GPR158: variants seen among roughly 807,000 people sequenced by gnomAD.
GPR158 encodes the protein G protein-coupled receptor 158.
GPR158 carries 30 observed loss-of-function variants against 78.2 expected under a neutral mutation model. The observed-to-expected ratio is 0.38, with a 90% CI of 0.29 to 0.52. GPR158 has a LOEUF of 0.52. Among genes scored for constraint, GPR158 ranks in the 20% least tolerant of loss-of-function variants. The pLI is 0.83. For synonymous variants in GPR158, 581 were observed against 591.1 expected (o/e 0.98, Z 0.25); for missense variants, 1,463 against 1,523.5 (o/e 0.96, Z 0.66).
At chr10:25,420,734 T>C (rs1436930255) in intron 4 of GPR158, among the ~76,000 whole-genome samples, 1 of 152,208 alleles carries the variant, frequency 6.6e-6, no homozygotes, top group East Asian at 1.9e-4. Context: ...CCTTTCCCTG[T>C]AGAGTTGTCC....
chr10:25,338,756 C>T (rs1020893674), intron 2 of GPR158, among the ~76,000 whole-genome samples: 8 of 150,630 alleles, frequency 5.3e-5, no homozygotes, highest in Admixed American at 2.7e-4. Flanking sequence ...TTGAACTTTG[C>T]ATTTCTATAT....
intron 2 of GPR158, among the ~76,000 whole-genome samples, chr10:25,362,065 C>G (rs959115938): frequency 1.3e-5 from 2 of 151,858 alleles, no homozygotes; most frequent in Admixed American, 6.6e-5. Flanking sequence ...TGAGAATATC[C>G]TGAAATATTT....
intron 7 of GPR158, among the ~76,000 whole-genome samples, chr10:25,582,993 T>C (rs1039665535): frequency 3.0e-4 from 45 of 152,198 alleles, no homozygotes; most frequent in African/African-American, 1.1e-3. Context: ...TAAGAAAATC[T>C]CAGCCAAGAA....
intron 2 of GPR158, among the ~76,000 whole-genome samples, chr10:25,258,229 G>A (rs1179559195): frequency 6.6e-6 from 1 of 152,104 alleles, no homozygotes; most frequent in African/African-American, 2.4e-5. Context: ...ACTACATAAA[G>A]CATGCATGCA....
intron 2 of GPR158, among the ~76,000 whole-genome samples, chr10:25,332,114 TG>T (rs202157807): frequency 6.0e-5 from 9 of 150,444 alleles, no homozygotes; most frequent in South Asian, 4.2e-4. Context: ...AGAAATCACC[TG>T]GGGGGGGGCG....
Position 25,175,896 on chromosome 10 carries a change from C to G in GPR158, c.476C>G (p.Ala159Gly). The change falls in exon 1 of 11, where the codon GCG (alanine) becomes GGG (glycine). Residue 159 changes from alanine (A) to glycine (G), a missense_variant. Physicochemically the swap from Ala to Gly is moderately conservative, Grantham distance 60 (BLOSUM62 0). Coordinates refer to ENST00000376351, the MANE Select transcript of GPR158 (RefSeq NM_020752.3). This position sits in a 1 kb window ranked among gnomAD's most constrained non-coding sequence, Gnocchi z 6.4. ...CAGGACGACCTGGATTGGTACCAGG[C>G]GCTGGTGTGGAGCCTTCTGGAGGGC... The part of the protein sequence containing the change: ...NLQDDLDWYQ[A>G]LVWSLLEGEP... 2 of 1,613,860 alleles carry G rather than the reference C, an allele frequency of 1.2e-6. No homozygotes were observed. The highest frequency in any genetic ancestry group is 1.7e-6 in the Non-Finnish European group (2 of 1,179,996).
At chr10:25,314,243 T>C (rs921986561) in intron 2 of GPR158, among the ~76,000 whole-genome samples, 2 of 151,958 alleles carry the variant, frequency 1.3e-5, no homozygotes, top group African/African-American at 2.4e-5. Flanking sequence ...TGGGACTACA[T>C]GCGTGCACCA....
chr10:25,464,095 T>A (rs972095571), intron 4 of GPR158, among the ~76,000 whole-genome samples: 1 of 152,212 alleles, frequency 6.6e-6, no homozygotes, highest in Non-Finnish European at 1.5e-5. Context: ...CAATTTATAA[T>A]CTGAAATTAT....
At chr10:25,539,372 T>C (rs1836543769) in intron 5 of GPR158, among the ~76,000 whole-genome samples, 1 of 152,188 alleles carries the variant, frequency 6.6e-6, no homozygotes, top group Non-Finnish European at 1.5e-5. Flanking sequence ...TTAGATCTTA[T>C]TCTGGTTCAG....
chr10:25,564,252 G>A (rs1472517018), intron 6 of GPR158, among the ~76,000 whole-genome samples: 1 of 152,174 alleles, frequency 6.6e-6, no homozygotes, highest in African/African-American at 2.4e-5. Context: ...TCCTGCATGT[G>A]CAGAGCCTGA....
intron 7 of GPR158, among the ~76,000 whole-genome samples, chr10:25,587,182 G>A (rs547025754): frequency 3.7e-4 from 57 of 152,294 alleles, no homozygotes; most frequent in Middle Eastern, 3.4e-3. Flanking sequence ...CAGTGATCTG[G>A]TAAGTTTCAG....
chr10:25,590,719 C>A (rs753689425), intron 8 of GPR158, among the ~76,000 whole-genome samples: 15 of 152,116 alleles, frequency 9.9e-5, no homozygotes, highest in Non-Finnish European at 2.1e-4. Context: ...AGTAAGAAGG[C>A]TTCTCAGAGT....
chr10:25,410,901 A>T (rs554260984), intron 3 of GPR158, among the ~76,000 whole-genome samples: 63 of 152,312 alleles, frequency 4.1e-4, no homozygotes, highest in African/African-American at 1.4e-3. Flanking sequence ...CATTATAGAA[A>T]GATTGTGAAT....
chr10:25,288,230 T>G (rs975048270), intron 2 of GPR158, among the ~76,000 whole-genome samples: 2 of 152,166 alleles, frequency 1.3e-5, no homozygotes, highest in Non-Finnish European at 2.9e-5. Flanking sequence ...AATAGTAGAT[T>G]TGGGGGTTTG....
At chr10:25,481,897 T>C (rs571307975) in intron 5 of GPR158, among the ~76,000 whole-genome samples, 1 of 152,312 alleles carries the variant, frequency 6.6e-6, no homozygotes, top group South Asian at 2.1e-4. Flanking sequence ...GTTTTTAGGG[T>C]GTCTGTTTTA....
intron 5 of GPR158, among the ~76,000 whole-genome samples, chr10:25,547,751 C>A (rs1032983620): frequency 2.6e-5 from 4 of 152,168 alleles, no homozygotes; most frequent in African/African-American, 9.7e-5. Context: ...ACAGTTCTAG[C>A]TGTGTAGCCC....
intron 5 of GPR158, among the ~76,000 whole-genome samples, chr10:25,534,518 AT>A (rs1186885122): frequency 6.6e-6 from 1 of 151,062 alleles, no homozygotes; most frequent in Non-Finnish European, 1.5e-5. Context: ...ACAAAAACAG[AT>A]TACTTGAGAT....
intron 2 of GPR158, among the ~76,000 whole-genome samples, chr10:25,291,102 T>C (rs1854429582): frequency 6.6e-6 from 1 of 152,072 alleles, no homozygotes. Flanking sequence ...AATTTTTGTA[T>C]TGTGAATTGC....
At chr10:25,491,695 C>T (rs1372216430) in intron 5 of GPR158, among the ~76,000 whole-genome samples, 1 of 152,016 alleles carries the variant, frequency 6.6e-6, no homozygotes, top group Non-Finnish European at 1.5e-5. Context: ...TAATTATGAG[C>T]ATGGTAAAAA....
Sources: allele counts gnomAD v4.1 joint callset (sites outside exome capture counted in the v4.1 genomes callset), GRCh38; gene constraint gnomAD v4.1.1; non-coding constraint Gnocchi (gnomAD v3.1); transcripts MANE v1.5; gene names NCBI Gene and HGNC (gene_info 2026-07-23, HGNC 2026-07-21).